Variants in RYR3 observed in about 807,000 individuals in gnomAD.
RYR3 encodes the protein brain ryanodine receptor-calcium release channel.
RYR3 carries 207 observed loss-of-function variants against 584.3 expected under a neutral mutation model. That is an observed-to-expected ratio of 0.35 (90% CI 0.32 to 0.40). RYR3 has a LOEUF of 0.40. Among genes scored for constraint, RYR3 ranks in the 10% least tolerant of loss-of-function variants. RYR3 has a pLI of 1.00. For synonymous variants in RYR3, 2,416 were observed against 2,248.5 expected (o/e 1.07, Z -2.11); for missense variants, 5,616 against 6,089.2 (o/e 0.92, Z 2.59).
chr15:33,378,838 G>T (rs1285865310), intron 1 of RYR3, among the ~76,000 whole-genome samples: 1 of 152,126 alleles, frequency 6.6e-6, no homozygotes, highest in Non-Finnish European at 1.5e-5. Context: ...AGCTGTGTGT[G>T]CCTGTAGTCC....
At chr15:33,859,916 C>G (rs759398434) in intron 100 of RYR3, among the ~76,000 whole-genome samples, 185 bp downstream of exon 100, 2 of 152,152 alleles carry the variant, frequency 1.3e-5, no homozygotes, top group Non-Finnish European at 2.9e-5. Context: ...AATACACACC[C>G]AGGCACAGTT....
Position 33,750,180 on chromosome 15 carries a change from C to G in RYR3, c.8293C>G (p.Leu2765Val), listed in dbSNP as rs1404916033. The G allele has an allele frequency of 6.2e-7, 1 of 1,609,594 alleles. No individual in the cohort carries two copies. Among genetic ancestry groups the G allele is most frequent in the Non-Finnish European group, 8.5e-7 (1 of 1,178,056 alleles). The stretch of plus-strand genomic sequence containing the variant: ...GACCCCAGGTGGTGGCAGCCACCCT[C>G]TTCTGGTACCATATGACACCTTGAC... ...LESKGGGSHPLLVPYDTLTAK... is the reference protein window; with the variant it reads ...LESKGGGSHPVLVPYDTLTAK... The change falls in exon 57 of 104, where the codon CTT becomes GTT. Residue 2765 changes from leucine to valine, a missense_variant. By Grantham distance (32) the Leu-to-Val change is conservative (BLOSUM62 1). Transcript: ENST00000634891.
intron 1 of RYR3, among the ~76,000 whole-genome samples, chr15:33,366,186 T>C (rs1005457535): frequency 6.7e-6 from 1 of 149,854 alleles, no homozygotes; most frequent in Non-Finnish European, 1.5e-5. Flanking sequence ...TAATAGGTAA[T>C]TGGCAAATGT....
chr15:33,418,751 T>TG (rs1380057709), intron 1 of RYR3, among the ~76,000 whole-genome samples: 3 of 151,998 alleles, frequency 2.0e-5, no homozygotes, highest in African/African-American at 7.3e-5. Context: ...CTTTACACAC[T>TG]GGGGGTAGAG....
intron 44 of RYR3, 93 bp from the exon 45 acceptor site, chr15:33,723,972 G>A (rs2068143792): frequency 1.5e-6 from 1 of 672,356 alleles, no homozygotes; most frequent in Admixed American, 2.5e-5. Flanking sequence ...TATGCAAGAA[G>A]AGCAGAGTGC....
chr15:33,677,447 G>C (rs2064259563), intron 38 of RYR3, among the ~76,000 whole-genome samples: 1 of 152,176 alleles, frequency 6.6e-6, no homozygotes, highest in South Asian at 2.1e-4. Context: ...GACGCCCTCT[G>C]TCCTCACTGT....
chr15:33,836,852 T>G, intron 87 of RYR3, 54 bp from the exon 88 acceptor site: 1 of 1,451,496 alleles, frequency 6.9e-7, no homozygotes, highest in Non-Finnish European at 9.6e-7. Context: ...CTCACTGCCC[T>G]GTACTTTACT....
chr15:33,634,788 T>C, intron 25 of RYR3, 55 bp downstream of exon 25: 2 of 1,499,618 alleles, frequency 1.3e-6, no homozygotes, highest in South Asian at 2.3e-5. Flanking sequence ...GGTCCTCTTC[T>C]TGGGGCATCC....
At chr15:33,630,780 A>T (rs2061225987) in intron 22 of RYR3, among the ~76,000 whole-genome samples, 1 of 152,242 alleles carries the variant, frequency 6.6e-6, no homozygotes, top group African/African-American at 2.4e-5. Context: ...GAATTCGAAG[A>T]GGCATATAAT....
Position 33,376,366 on chromosome 15 carries a change from C to G in RYR3, c.51+65270C>G, listed in dbSNP as rs543371477. ...ATCCAACAACTTGCTTATCCATTCCCCTCTGATGGACATTTGGATTTCCTG... is the reference window on the plus strand; with the variant it reads ...ATCCAACAACTTGCTTATCCATTCCGCTCTGATGGACATTTGGATTTCCTG... On this transcript the variant is annotated intron_variant, in intron 1 of 103. Coordinates refer to ENST00000634891, the MANE Select transcript of RYR3 (RefSeq NM_001036.6). Among the ~76,000 whole-genome samples, 8 of 152,302 alleles carry G rather than the reference C, an allele frequency of 5.3e-5. No individual in the cohort carries two copies. The South Asian group carries it at 1.7e-3, about 32-fold the overall frequency.
chr15:33,559,921 T>C (rs942778238), intron 10 of RYR3, among the ~76,000 whole-genome samples: 2 of 152,130 alleles, frequency 1.3e-5, no homozygotes, highest in African/African-American at 4.8e-5. Flanking sequence ...AAGGGGAATA[T>C]TTGGTAAATA....
intron 57 of RYR3, among the ~76,000 whole-genome samples, chr15:33,752,274 A>T (rs143022323): frequency 0.015 from 2,249 of 152,250 alleles, 25 homozygotes; most frequent in Middle Eastern, 0.027. Context: ...AAGAAAGACA[A>T]TGGTAGCTTG....
At chr15:33,585,488 G>A (rs1321040405) in intron 15 of RYR3, among the ~76,000 whole-genome samples, 1 of 152,082 alleles carries the variant, frequency 6.6e-6, no homozygotes, top group African/African-American at 2.4e-5. Flanking sequence ...AGACTTTATT[G>A]TGTGAGCTTA....
At chr15:33,684,643 T>C (rs577194364) in intron 38 of RYR3, among the ~76,000 whole-genome samples, 3 of 151,968 alleles carry the variant, frequency 2.0e-5, no homozygotes, top group Non-Finnish European at 4.4e-5. Context: ...CCAAGACACA[T>C]AATCATCAGA....
chr15:33,626,136 A>G (rs994740712), intron 20 of RYR3, among the ~76,000 whole-genome samples: 7 of 152,222 alleles, frequency 4.6e-5, no homozygotes, highest in African/African-American at 7.2e-5. Context: ...CATGTGTGTT[A>G]GATAGGGTTT....
chr15:33,550,386 A>G (rs905068102), intron 10 of RYR3, 70 bp downstream of exon 10: 4 of 1,435,222 alleles, frequency 2.8e-6, no homozygotes, highest in Non-Finnish European at 3.7e-6. Context: ...AGGCAGAACT[A>G]TAACTGGAAA....
intron 28 of RYR3, chr15:33,646,145 A>C (rs907491458): frequency 8.6e-6 from 4 of 465,416 alleles, no homozygotes; most frequent in African/African-American, 1.9e-5. Context: ...TTAAATCTCT[A>C]ATTTCCCTAG....
chr15:33,340,581 TTGGCTTGTGGA>T (rs1026155015), intron 1 of RYR3, among the ~76,000 whole-genome samples: 1 of 152,152 alleles, frequency 6.6e-6, no homozygotes, highest in African/African-American at 2.4e-5. Context: ...GCCTCTCTCT[TTGGCTTGTGGA>T]TGGTCCCCTT....
chr15:33,685,257 C>T lies in RYR3; in HGVS notation c.5861-10961C>T, dbSNP rs185797797. 2.0e-4 allele frequency among the ~76,000 whole-genome samples: 31 copies of T among 152,202 alleles called. 1 individual carries two copies. The highest frequency in any genetic ancestry group is 1.6e-3 in the Admixed American group (25 of 15,290). ...AACAAAGGGATGGAGGAAGATCTAC[C>T]GAGCAAATGGAAAGCAATAAAAAGC... On this transcript the variant is annotated intron_variant, in intron 38 of 103. Coordinates refer to ENST00000634891, the MANE Select transcript of RYR3 (RefSeq NM_001036.6).
Sources: gnomAD v4.1 joint callset for allele counts (sites outside exome capture counted in the v4.1 genomes callset) on GRCh38, gnomAD v4.1.1 for gene constraint, MANE v1.5 for transcripts, NCBI Gene and HGNC (gene_info 2026-07-23, HGNC 2026-07-21) for gene names.